VAMP7: variants seen among roughly 807,000 people sequenced by gnomAD.
VAMP7 encodes the protein vesicle-associated membrane protein 7.
In VAMP7, 14 loss-of-function variants were observed where a neutral mutation model predicts 29.6. The observed-to-expected ratio is 0.47, with a 90% CI of 0.31 to 0.74. VAMP7 has a LOEUF of 0.74. Among genes scored for constraint, VAMP7 ranks in the 30% least tolerant of loss-of-function variants. VAMP7 has a pLI of 0.05. For synonymous variants in VAMP7, 95 were observed against 88.1 expected (o/e 1.08, Z -0.44); for missense variants, 223 against 262.4 (o/e 0.85, Z 1.04).
At chrX:155,898,272 G>C in intron 4 of VAMP7, 23 bp downstream of exon 4, 1 of 1,609,724 alleles carries the variant, frequency 6.2e-7, no homozygotes, top group Non-Finnish European at 8.5e-7. Context: ...TCAGGATAAG[G>C]TATTTTGATT....
intron 3 of VAMP7, 71 bp downstream of exon 3, chrX:155,895,751 T>G: frequency 2.1e-6 from 3 of 1,439,860 alleles, no homozygotes; most frequent in Non-Finnish European, 2.9e-6. Flanking sequence ...TAATTATCTA[T>G]ACCAGGGGTC....
At chrX:155,932,423 C>G (rs775677794) in intron 6 of VAMP7, among the ~76,000 whole-genome samples, 4 of 152,282 alleles carry the variant, frequency 2.6e-5, no homozygotes, top group East Asian at 1.9e-4. Context: ...AGGTCCTTCA[C>G]ATCCCTTGTA....
chrX:155,931,729 A>G (rs1417137483), intron 6 of VAMP7, among the ~76,000 whole-genome samples: 6 of 152,022 alleles, frequency 3.9e-5, no homozygotes, highest in East Asian at 1.9e-4. Flanking sequence ...CCATTTGTCA[A>G]TTTTGGCTTT....
chrX:155,932,821 C>A (rs1043321006), intron 6 of VAMP7, among the ~76,000 whole-genome samples: 1 of 152,114 alleles, frequency 6.6e-6, no homozygotes, highest in Non-Finnish European at 1.5e-5. Context: ...TTTGCCCATT[C>A]AGTATGATAT....
At chrX:155,922,001 GT>G (rs2066403020) in intron 6 of VAMP7, among the ~76,000 whole-genome samples, 1 of 151,882 alleles carries the variant, frequency 6.6e-6, no homozygotes, top group Non-Finnish European at 1.5e-5. Context: ...GTATTTTTTA[GT>G]TTTTGGTGTA....
At chrX:155,901,683 G>T (rs2066064570) in intron 5 of VAMP7, among the ~76,000 whole-genome samples, 1 of 152,078 alleles carries the variant, frequency 6.6e-6, no homozygotes, top group African/African-American at 2.4e-5. Context: ...GATGGTTGTA[G>T]ATATGTGGCG....
intron 2 of VAMP7, 87 bp from the exon 3 acceptor site, chrX:155,895,536 C>G: frequency 2.2e-6 from 2 of 925,636 alleles, no homozygotes; most frequent in Non-Finnish European, 1.7e-6. Flanking sequence ...ATTGGCAGTA[C>G]TGAACGTGCT....
At chrX:155,934,143 G>A (rs2066610051) in intron 6 of VAMP7, among the ~76,000 whole-genome samples, 2 of 152,180 alleles carry the variant, frequency 1.3e-5, no homozygotes, top group Admixed American at 1.3e-4. Context: ...TTTGGAATAA[G>A]TGCGATGTGG....
At chrX:155,883,522 G>C (rs2065828659) in intron 1 of VAMP7, among the ~76,000 whole-genome samples, 1 of 152,038 alleles carries the variant, frequency 6.6e-6, no homozygotes, top group African/African-American at 2.4e-5. Flanking sequence ...ACTCTTGCAA[G>C]AATTAATGTA....
At chrX:155,926,841 G>A (rs1345134329) in intron 6 of VAMP7, among the ~76,000 whole-genome samples, 14 of 152,098 alleles carry the variant, frequency 9.2e-5, no homozygotes, top group African/African-American at 2.4e-5. Flanking sequence ...CCATTGTAAG[G>A]TTATTAATTG....
Position 155,941,875 on chromosome X carries a change from C to G in VAMP7, c.595-8C>G, listed in dbSNP as rs1427665566. ...AAGAAAATAAAATTGCTCTCCTCGT[C>G]CCTCCAGGTGTTCATCTATATCATT... On this transcript the variant is annotated splice_polypyrimidine_tract_variant and splice_region_variant and intron_variant, in intron 7 of 7. Coordinates refer to ENST00000286448, the MANE Select transcript of VAMP7 (RefSeq NM_005638.6). 8 of 1,612,836 alleles carry G rather than the reference C, an allele frequency of 5.0e-6. No homozygotes were observed. Among genetic ancestry groups the G allele is most frequent in the Middle Eastern group, 1.7e-4 (1 of 6,048 alleles).
intron 7 of VAMP7, 135 bp from the exon 8 acceptor site, chrX:155,941,748 G>C (rs1440141570): frequency 9.4e-7 from 1 of 1,064,714 alleles, no homozygotes; most frequent in Non-Finnish European, 1.3e-6. Context: ...CTTGTTTAGT[G>C]TGTTCCATTA....
rs754410049 is a variant in VAMP7 at position 155,938,430 on chromosome X, G to A, written c.502-1271G>A. Among the ~76,000 whole-genome samples, 7 of 152,264 alleles carry A rather than the reference G, an allele frequency of 4.6e-5. No individual in the cohort carries two copies. In the South Asian group the frequency reaches 8.3e-4, roughly 18 times the overall value. Reference sequence around the variant, plus strand: ...GTTGGAGATGAATCTATGGTTAAGGGAGTGGATTTTTTAAAACCAATATGT... The same window carrying A: ...GTTGGAGATGAATCTATGGTTAAGGAAGTGGATTTTTTAAAACCAATATGT... On this transcript the variant is annotated intron_variant, in intron 6 of 7. Transcript: ENST00000286448.
At chrX:155,919,446 A>G (rs2066362443) in intron 5 of VAMP7, among the ~76,000 whole-genome samples, 1 of 152,172 alleles carries the variant, frequency 6.6e-6, no homozygotes, top group Non-Finnish European at 1.5e-5. Flanking sequence ...TTTAATATGC[A>G]AGGACTTTTT....
chrX:155,924,415 C>G (rs1254447747), intron 6 of VAMP7, among the ~76,000 whole-genome samples: 1 of 152,068 alleles, frequency 6.6e-6, no homozygotes, highest in Non-Finnish European at 1.5e-5. Context: ...CACCCCTTAA[C>G]AAAAACTCTG....
rs1569432195 is a variant in VAMP7 at position 155,889,514 on chromosome X, C to G, written c.48C>G (p.Ala16=). 6.2e-7 allele frequency: 1 copy of G among 1,613,800 alleles called. No individual in the cohort carries two copies. Among genetic ancestry groups the G allele is most frequent in the Middle Eastern group, 1.7e-4 (1 of 6,056 alleles). ...AVVARGTTIL[A]KHAWCGGNFL... is the part of the protein sequence containing the mutation. ...TTGCCAGGGGGACCACTATCCTTGC[C>G]AAACATGCTTGGTGTGGAGGAAACT... The change falls in exon 2 of 8, where the codon GCC becomes GCG. Residue 16 remains alanine (A), a synonymous_variant. Transcript: ENST00000286448.
At chrX:155,901,393 G>A (rs900432191) in intron 5 of VAMP7, among the ~76,000 whole-genome samples, 10 of 151,712 alleles carry the variant, frequency 6.6e-5, no homozygotes, top group African/African-American at 1.7e-4. Context: ...TATTTTGCCC[G>A]AAAGTGGAGG....
At chrX:155,931,851 T>G (rs1044997048) in intron 6 of VAMP7, among the ~76,000 whole-genome samples, 8 of 152,218 alleles carry the variant, frequency 5.3e-5, no homozygotes, top group African/African-American at 1.9e-4. Flanking sequence ...GTCTAACATT[T>G]AAGTCTTTAA....
chrX:155,923,776 C>G (rs913548936), intron 6 of VAMP7, among the ~76,000 whole-genome samples: 3 of 152,050 alleles, frequency 2.0e-5, no homozygotes, highest in African/African-American at 7.2e-5. Flanking sequence ...TTGAAGCTGT[C>G]CCACAACTCA....
Sources: gnomAD v4.1 joint callset for allele counts (sites outside exome capture counted in the v4.1 genomes callset) on GRCh38, gnomAD v4.1.1 for gene constraint, MANE v1.5 for transcripts, NCBI Gene and HGNC (gene_info 2026-07-23, HGNC 2026-07-21) for gene names.